LDB2: variants seen among roughly 807,000 people sequenced by gnomAD.
LDB2 encodes the protein LIM domain-binding protein 2.
A neutral mutation model predicts 44.3 loss-of-function variants in LDB2; 12 were observed. That is an observed-to-expected ratio of 0.27 (90% CI 0.17 to 0.44). The LOEUF (loss-of-function observed/expected upper bound fraction) is 0.44. Among genes scored for constraint, LDB2 ranks in the 20% least tolerant of loss-of-function variants. LDB2 has a pLI of 1.00. For missense variants in LDB2, 344 were observed against 473.5 expected (o/e 0.73, Z 2.54); for synonymous variants, 164 against 174.8 (o/e 0.94, Z 0.49).
At chr4:16,774,049 G>T (rs942634008) in intron 1 of LDB2, among the ~76,000 whole-genome samples, 5 of 150,562 alleles carry the variant, frequency 3.3e-5, no homozygotes, top group Admixed American at 3.3e-4. Flanking sequence ...CAGCTACTCG[G>T]GGGGCTGAGG....
At chr4:16,792,390 G>T (rs1030785938) in intron 1 of LDB2, among the ~76,000 whole-genome samples, 2 of 152,172 alleles carry the variant, frequency 1.3e-5, no homozygotes, top group African/African-American at 4.8e-5. Flanking sequence ...TTAATTACCT[G>T]TGCTTTAAAT....
At chr4:16,811,271 C>T (rs1402022129) in intron 1 of LDB2, among the ~76,000 whole-genome samples, 2 of 152,202 alleles carry the variant, frequency 1.3e-5, no homozygotes, top group Non-Finnish European at 2.9e-5. Flanking sequence ...TCAGGAGTCA[C>T]ATGTGGTCTC....
At chr4:16,854,868 C>T (rs1789032177) in intron 1 of LDB2, among the ~76,000 whole-genome samples, 1 of 151,762 alleles carries the variant, frequency 6.6e-6, no homozygotes, top group South Asian at 2.1e-4. Context: ...TGGATGCACA[C>T]GATTATTTAA....
At chr4:16,756,729 A>G (rs6854671) in intron 2 of LDB2, among the ~76,000 whole-genome samples, 3,183 of 152,286 alleles carry the variant, frequency 0.021, 97 homozygotes, top group African/African-American at 0.073. Context: ...CAGAGCCCTC[A>G]TCCACATGGA....
intron 5 of LDB2, among the ~76,000 whole-genome samples, chr4:16,567,390 G>C (rs1744910734): frequency 8.5e-5 from 1 of 11,722 alleles, no homozygotes; most frequent in South Asian, 1.8e-3. Flanking sequence ...GTGTGCGCGT[G>C]TGTGCATGCG....
chr4:16,579,460 T>C (rs773401419), intron 5 of LDB2, among the ~76,000 whole-genome samples: 2 of 152,140 alleles, frequency 1.3e-5, no homozygotes, highest in Non-Finnish European at 2.9e-5. Context: ...TCCAGTATAA[T>C]GAAAATACCA....
At chr4:16,651,197 C>A (rs1441475849) in intron 2 of LDB2, 1 of 152,160 alleles carries the variant, frequency 6.6e-6, no homozygotes, top group African/African-American at 2.4e-5. Context: ...TCCATAGAGT[C>A]CATTATGTCC....
At chr4:16,725,649 G>T (rs893229102) in intron 2 of LDB2, among the ~76,000 whole-genome samples, 3 of 151,966 alleles carry the variant, frequency 2.0e-5, no homozygotes, top group Admixed American at 6.6e-5. Context: ...TTGCATGCCT[G>T]CTCCTACTTA....
chr4:16,776,713 A>G (rs539836746), intron 1 of LDB2, among the ~76,000 whole-genome samples: 16 of 152,366 alleles, frequency 1.1e-4, no homozygotes, highest in Admixed American at 4.6e-4. Context: ...GAAATATGTC[A>G]TTTATTAGAT....
intron 2 of LDB2, among the ~76,000 whole-genome samples, chr4:16,640,394 C>T (rs919302343): frequency 6.6e-6 from 1 of 152,128 alleles, no homozygotes; most frequent in African/African-American, 2.4e-5. Flanking sequence ...TATGAAGGAC[C>T]TTCTAAGTTG....
intron 5 of LDB2, among the ~76,000 whole-genome samples, chr4:16,557,259 A>G (rs1405856316): frequency 1.3e-5 from 2 of 152,222 alleles, no homozygotes; most frequent in Non-Finnish European, 2.9e-5. Flanking sequence ...AGGGTGAGGC[A>G]TTGCCTTACT....
chr4:16,583,802 A>C (rs1040551182), intron 5 of LDB2, among the ~76,000 whole-genome samples: 6 of 152,268 alleles, frequency 3.9e-5, no homozygotes, highest in African/African-American at 9.6e-5. Flanking sequence ...CTGCTCCTTA[A>C]GACCTGAGGA....
At chr4:16,669,443 C>A (rs561982001) in intron 2 of LDB2, among the ~76,000 whole-genome samples, 1 of 152,150 alleles carries the variant, frequency 6.6e-6, no homozygotes, top group Non-Finnish European at 1.5e-5. Flanking sequence ...TCTGGACCCT[C>A]ATTTTTAATC....
At chr4:16,840,408 T>C (rs1252719582) in intron 1 of LDB2, among the ~76,000 whole-genome samples, 1 of 152,176 alleles carries the variant, frequency 6.6e-6, no homozygotes, top group Non-Finnish European at 1.5e-5. Context: ...CATCAATAAT[T>C]TCCATGTCCT....
At chr4:16,537,770 A>G (rs993767708) in intron 5 of LDB2, among the ~76,000 whole-genome samples, 1 of 152,126 alleles carries the variant, frequency 6.6e-6, no homozygotes, top group East Asian at 1.9e-4. Context: ...CAGCTGGTCA[A>G]TACTGGAGCA....
chr4:16,786,909 G>A (rs991715603), intron 1 of LDB2, among the ~76,000 whole-genome samples: 3 of 152,132 alleles, frequency 2.0e-5, no homozygotes, highest in African/African-American at 4.8e-5. Context: ...CACCGGTGGA[G>A]TTAGACACAG....
At chr4:16,764,519 T>C (rs1254266458) in intron 1 of LDB2, among the ~76,000 whole-genome samples, 1 of 131,522 alleles carries the variant, frequency 7.6e-6, no homozygotes, top group Admixed American at 7.3e-5. Context: ...TTATGGACAA[T>C]CACTACAAAA....
chr4:16,616,791 C>T (rs1255518985), intron 2 of LDB2, among the ~76,000 whole-genome samples: 1 of 152,110 alleles, frequency 6.6e-6, no homozygotes, highest in Non-Finnish European at 1.5e-5. Flanking sequence ...TCCCCTGACA[C>T]CACCCCATGT....
At position 16,639,851 on chromosome 4, in the gene LDB2, G is replaced by A. The variant is rs568215776; in HGVS notation, c.236-43976C>T. Among the ~76,000 whole-genome samples, 24 of 152,324 alleles carry A rather than the reference G, an allele frequency of 1.6e-4. 1 individual carries two copies. Among genetic ancestry groups the A allele is most frequent in the Admixed American group, 1.2e-3 (19 of 15,302 alleles). On this transcript the variant is annotated intron_variant, in intron 2 of 7. Coordinates refer to ENST00000304523, the MANE Select transcript of LDB2 (RefSeq NM_001290.5). ...ACCAGGGACCTAGCACTGCCCTAAG[G>A]GCAGGAGACCCAGAGGCAATGGGCA...
Sources: gnomAD v4.1 joint callset for allele counts (sites outside exome capture counted in the v4.1 genomes callset) on GRCh38, gnomAD v4.1.1 for gene constraint, MANE v1.5 for transcripts, NCBI Gene and HGNC (gene_info 2026-07-23, HGNC 2026-07-21) for gene names.